Variants in CNTNAP4 observed in about 807,000 individuals in gnomAD.
The protein encoded by CNTNAP4 is contactin associated protein family member 4, also known as contactin-associated protein-like 4.
In CNTNAP4, 98 loss-of-function variants were observed where a neutral mutation model predicts 148.4. The ratio of observed to expected loss-of-function variants is 0.66; its 90% CI spans 0.56 to 0.78. The LOEUF is 0.78. Among genes scored for constraint, CNTNAP4 ranks in the 30% least tolerant of loss-of-function variants. The probability of loss-of-function intolerance (pLI) is 0.00; values close to 1 mark genes in which losing one functional copy is unlikely to be tolerated. For synonymous variants in CNTNAP4, 730 were observed against 565.1 expected (o/e 1.29, Z -4.14); for missense variants, 1,935 against 1,565.6 (o/e 1.24, Z -3.98).
intron 8 of CNTNAP4, among the ~76,000 whole-genome samples, chr16:76,459,094 G>A (rs1052008588): frequency 6.6e-6 from 1 of 152,178 alleles, no homozygotes; most frequent in Admixed American, 6.5e-5. Flanking sequence ...AGTCTAAAAT[G>A]AAATAAGAGA....
chr16:76,552,456 C>T (rs1396039720), intron 21 of CNTNAP4, among the ~76,000 whole-genome samples: 1 of 152,110 alleles, frequency 6.6e-6, no homozygotes, highest in Non-Finnish European at 1.5e-5. Flanking sequence ...TTCATGCTTG[C>T]TAAGCAAGGA....
chr16:76,465,675 C>G (rs946273529), intron 9 of CNTNAP4, among the ~76,000 whole-genome samples: 2 of 152,092 alleles, frequency 1.3e-5, no homozygotes, highest in Non-Finnish European at 2.9e-5. Context: ...ATAAGTCATT[C>G]AGAATACATA....
chr16:76,378,725 A>G (rs1273611082), intron 3 of CNTNAP4, among the ~76,000 whole-genome samples: 1 of 152,154 alleles, frequency 6.6e-6, no homozygotes, highest in East Asian at 1.9e-4. Flanking sequence ...TACTTTCCTT[A>G]AGATTCCATA....
At chr16:76,412,463 T>C (rs1009059644) in intron 3 of CNTNAP4, among the ~76,000 whole-genome samples, 9 of 151,410 alleles carry the variant, frequency 5.9e-5, no homozygotes, top group African/African-American at 2.2e-4. Context: ...ATTTATATTC[T>C]CAACAGCAGT....
At chr16:76,330,438 G>A (rs1000808588) in intron 2 of CNTNAP4, among the ~76,000 whole-genome samples, 1 of 152,112 alleles carries the variant, frequency 6.6e-6, no homozygotes, top group East Asian at 1.9e-4. Flanking sequence ...CATCATTGTG[G>A]CCTTGTTGTG....
chr16:76,459,089 AAAATG>A (rs2080841064), intron 8 of CNTNAP4, among the ~76,000 whole-genome samples: 1 of 152,214 alleles, frequency 6.6e-6, no homozygotes, highest in African/African-American at 2.4e-5. Context: ...TGGAAAGTCT[AAAATG>A]AAATAAGAGA....
intron 10 of CNTNAP4, among the ~76,000 whole-genome samples, chr16:76,473,747 C>T (rs968964658): frequency 2.6e-5 from 4 of 152,056 alleles, no homozygotes; most frequent in African/African-American, 9.7e-5. Context: ...GCACTACAGC[C>T]TGGGCAACAG....
intron 21 of CNTNAP4, among the ~76,000 whole-genome samples, chr16:76,550,626 A>G (rs2084917979): frequency 1.3e-5 from 2 of 151,606 alleles, no homozygotes; most frequent in Admixed American, 1.3e-4. Context: ...CTCCTATGAG[A>G]GTTTTTCTTT....
At chr16:76,389,571 G>A (rs771185249) in intron 3 of CNTNAP4, among the ~76,000 whole-genome samples, 17 of 151,888 alleles carry the variant, frequency 1.1e-4, no homozygotes, top group Non-Finnish European at 2.1e-4. Context: ...CTCATGCCTC[G>A]GCACCTGGAG....
chr16:76,411,344 T>C, intron 3 of CNTNAP4, among the ~76,000 whole-genome samples: 1 of 151,474 alleles, frequency 6.6e-6, no homozygotes. Context: ...CTAATCAATA[T>C]ATTAGAATGA....
chr16:76,533,908 A>G (rs1231987566), intron 17 of CNTNAP4, among the ~76,000 whole-genome samples: 1 of 152,198 alleles, frequency 6.6e-6, no homozygotes, highest in Non-Finnish European at 1.5e-5. Context: ...GTAAATGGAA[A>G]CATTTTGAAT....
chr16:76,465,548 C>T (rs2081144332), intron 9 of CNTNAP4, among the ~76,000 whole-genome samples: 1 of 152,142 alleles, frequency 6.6e-6, no homozygotes, highest in African/African-American at 2.4e-5. Flanking sequence ...CAGGAAACGC[C>T]ACCTGGAGAA....
intron 10 of CNTNAP4, among the ~76,000 whole-genome samples, chr16:76,474,993 G>C (rs967182373): frequency 3.3e-5 from 5 of 152,140 alleles, no homozygotes; most frequent in Non-Finnish European, 7.3e-5. Context: ...CTCAAGACTT[G>C]AAACCAGATC....
At chr16:76,390,897 G>A (rs1004861537) in intron 3 of CNTNAP4, among the ~76,000 whole-genome samples, 3 of 151,700 alleles carry the variant, frequency 2.0e-5, no homozygotes, top group Admixed American at 6.6e-5. Flanking sequence ...CATAATTGGT[G>A]TATATATTTA....
intron 1 of CNTNAP4, among the ~76,000 whole-genome samples, chr16:76,278,650 A>T (rs1430997614): frequency 6.6e-6 from 1 of 152,162 alleles, no homozygotes; most frequent in East Asian, 1.9e-4. Flanking sequence ...GGCAAATACA[A>T]CTTTTTATTT....
At chr16:76,552,461 C>G (rs1317910886) in intron 21 of CNTNAP4, among the ~76,000 whole-genome samples, 1 of 152,152 alleles carries the variant, frequency 6.6e-6, no homozygotes, top group Non-Finnish European at 1.5e-5. Context: ...GCTTGCTAAG[C>G]AAGGAGTATG....
At chr16:76,330,768 A>T (rs1341244168) in intron 2 of CNTNAP4, among the ~76,000 whole-genome samples, 2 of 152,238 alleles carry the variant, frequency 1.3e-5, no homozygotes, top group African/African-American at 4.8e-5. Context: ...AAAATACAGA[A>T]AGAGCTTACT....
chr16:76,436,429 C>A (rs896522791), intron 4 of CNTNAP4, among the ~76,000 whole-genome samples: 6 of 152,108 alleles, frequency 3.9e-5, no homozygotes, highest in Admixed American at 3.9e-4. Flanking sequence ...ATCCACCTTT[C>A]CTTGCAGTTC....
chr16:76,361,844 C>G (rs2013477718), intron 3 of CNTNAP4, among the ~76,000 whole-genome samples: 1 of 151,942 alleles, frequency 6.6e-6, no homozygotes, highest in East Asian at 1.9e-4. Flanking sequence ...TTTTGTTTTC[C>G]TTGTTTAAAT....
Sources: allele counts gnomAD v4.1 joint callset (sites outside exome capture counted in the v4.1 genomes callset), GRCh38; gene constraint gnomAD v4.1.1; transcripts MANE v1.5; gene names NCBI Gene and HGNC (gene_info 2026-07-23, HGNC 2026-07-21).